The following ZNF804A variants were observed in gnomAD, a reference collection of about 807,000 sequenced individuals.
The protein encoded by ZNF804A is zinc finger protein 804A.
In ZNF804A, 2 loss-of-function variants were observed where a neutral mutation model predicts 16.5. The ratio of observed to expected loss-of-function variants is 0.12; its 90% CI spans 0.05 to 0.38. The LOEUF is 0.38. ZNF804A is among the 10% of genes least tolerant of loss of function. The pLI is 0.99. For missense variants in ZNF804A, 1,473 were observed against 1,390.7 expected (o/e 1.06, Z -0.94); for synonymous variants, 534 against 489.6 (o/e 1.09, Z -1.20).
intron 1 of ZNF804A, among the ~76,000 whole-genome samples, chr2:184,759,474 TC>T (rs1694009070): frequency 6.6e-6 from 1 of 151,836 alleles, no homozygotes; most frequent in African/African-American, 2.4e-5. Context: ...TTTCTGTAAA[TC>T]TAAAATTATT....
intron 2 of ZNF804A, 45 bp downstream of exon 2, chr2:184,866,557 T>C: frequency 6.5e-7 from 1 of 1,537,940 alleles, no homozygotes; most frequent in Non-Finnish European, 8.8e-7. Context: ...TGGACTTGTG[T>C]AATAGTTTTA....
chr2:184,902,899 C>G (rs1685209470), intron 2 of ZNF804A, among the ~76,000 whole-genome samples: 1 of 152,006 alleles, frequency 6.6e-6, no homozygotes, highest in African/African-American at 2.4e-5. Flanking sequence ...CTAGGCTCAG[C>G]CAAGGAATGT....
At chr2:184,922,690 A>G (rs934414396) in intron 2 of ZNF804A, among the ~76,000 whole-genome samples, 1 of 151,988 alleles carries the variant, frequency 6.6e-6, no homozygotes, top group African/African-American at 2.4e-5. Flanking sequence ...AATGTCCTGA[A>G]GAGTTTCCCC....
chr2:184,600,366 G>T (rs1691025456), intron 1 of ZNF804A, among the ~76,000 whole-genome samples: 1 of 152,086 alleles, frequency 6.6e-6, no homozygotes, highest in Admixed American at 6.6e-5. Context: ...ACAAAAGCAG[G>T]GCTAGTTTGT....
At chr2:184,789,634 T>C (rs1694502862) in intron 1 of ZNF804A, among the ~76,000 whole-genome samples, 1 of 152,170 alleles carries the variant, frequency 6.6e-6, no homozygotes, top group Non-Finnish European at 1.5e-5. Flanking sequence ...GAGGTGTTCA[T>C]AGAAATCTCT....
At chr2:184,855,028 A>G (rs751506080) in intron 1 of ZNF804A, among the ~76,000 whole-genome samples, 1 of 152,094 alleles carries the variant, frequency 6.6e-6, no homozygotes, top group Non-Finnish European at 1.5e-5. Flanking sequence ...CAAAGTTATC[A>G]CTGATGAAGA....
At chr2:184,674,080 T>A (rs1343303570) in intron 1 of ZNF804A, among the ~76,000 whole-genome samples, 1 of 152,154 alleles carries the variant, frequency 6.6e-6, no homozygotes, top group Admixed American at 6.5e-5. Flanking sequence ...CTCTCACCAT[T>A]TTCAAATGGC....
chr2:184,848,005 G>A (rs1695545887), intron 1 of ZNF804A, among the ~76,000 whole-genome samples: 1 of 151,920 alleles, frequency 6.6e-6, no homozygotes, highest in Non-Finnish European at 1.5e-5. Context: ...CATAGTTTAG[G>A]GATTTTTTAA....
intron 2 of ZNF804A, among the ~76,000 whole-genome samples, chr2:184,877,964 C>T (rs973225252): frequency 3.9e-5 from 6 of 151,958 alleles, no homozygotes; most frequent in East Asian, 1.9e-4. Flanking sequence ...GGCATTGACC[C>T]GTAGAAGGGG....
chr2:184,694,367 T>A (rs1198554594), intron 1 of ZNF804A, among the ~76,000 whole-genome samples: 2 of 152,156 alleles, frequency 1.3e-5, no homozygotes, highest in Admixed American at 1.3e-4. Context: ...TGTTCGCTTG[T>A]CCATGGATGA....
chr2:184,710,233 T>C (rs1478142184), intron 1 of ZNF804A, among the ~76,000 whole-genome samples: 4 of 151,670 alleles, frequency 2.6e-5, no homozygotes, highest in Non-Finnish European at 5.9e-5. Context: ...ATGGGTGAAC[T>C]GTCACTATAA....
chr2:184,902,273 A>C (rs1685197787), intron 2 of ZNF804A: 1 of 158,294 alleles, frequency 6.3e-6, no homozygotes, highest in Non-Finnish European at 1.4e-5. Flanking sequence ...TGGCCTTGAC[A>C]TCCTCAATGA....
intron 1 of ZNF804A, among the ~76,000 whole-genome samples, chr2:184,688,840 C>T (rs1268528517): frequency 6.6e-6 from 1 of 152,050 alleles, no homozygotes; most frequent in Non-Finnish European, 1.5e-5. Context: ...TGCTAAATAT[C>T]TGACTATTTT....
intron 1 of ZNF804A, among the ~76,000 whole-genome samples, chr2:184,676,155 C>A (rs898899079): frequency 3.3e-5 from 5 of 151,604 alleles, no homozygotes; most frequent in African/African-American, 1.2e-4. Context: ...TGATATAATT[C>A]TATCCCCTGA....
intron 1 of ZNF804A, among the ~76,000 whole-genome samples, chr2:184,609,548 T>A (rs1440593419): frequency 6.6e-6 from 1 of 152,232 alleles, no homozygotes; most frequent in Non-Finnish European, 1.5e-5. Flanking sequence ...AATACTTATT[T>A]CTCAGAATTC....
chr2:184,798,019 T>C (rs934200279), intron 1 of ZNF804A, among the ~76,000 whole-genome samples: 1 of 147,072 alleles, frequency 6.8e-6, no homozygotes, highest in Non-Finnish European at 1.5e-5. Context: ...TGTGTGTGTG[T>C]GTGTGTGTGT....
intron 1 of ZNF804A, among the ~76,000 whole-genome samples, chr2:184,840,367 G>C (rs1182738534): frequency 2.7e-4 from 41 of 152,036 alleles, no homozygotes. Flanking sequence ...TTGGGCAACA[G>C]AGTGAGACTC....
chr2:184,728,096 A>G (rs1397417380), intron 1 of ZNF804A, among the ~76,000 whole-genome samples: 1 of 147,636 alleles, frequency 6.8e-6, no homozygotes, highest in African/African-American at 2.6e-5. Context: ...GCTTGTGAGT[A>G]GAGTTTTCAA....
chr2:184,712,148 G>A (rs1399224290), intron 1 of ZNF804A, among the ~76,000 whole-genome samples: 1 of 151,506 alleles, frequency 6.6e-6, no homozygotes, highest in Non-Finnish European at 1.5e-5. Flanking sequence ...TTTCATCAGA[G>A]TTATGTAGTT....
Sources: allele counts gnomAD v4.1 joint callset (sites outside exome capture counted in the v4.1 genomes callset), GRCh38; gene constraint gnomAD v4.1.1; transcripts MANE v1.5; gene names NCBI Gene and HGNC (gene_info 2026-07-23, HGNC 2026-07-21).